The following CCDC86 variants were observed in gnomAD, a reference collection of about 807,000 sequenced individuals.
The protein encoded by CCDC86 is coiled-coil domain containing 86.
In CCDC86, 28 loss-of-function variants were observed where a neutral mutation model predicts 36.7. That is an observed-to-expected ratio of 0.76 (90% confidence interval 0.57 to 1.05). CCDC86 has a LOEUF of 1.05. Among genes scored for constraint, CCDC86 ranks in the 50% least tolerant of loss-of-function variants. CCDC86 has a pLI of 0.00. For missense variants in CCDC86, 453 were observed against 470.2 expected, an observed-to-expected ratio of 0.96 and a Z score of 0.34; for synonymous variants, 199 against 203.4, an observed-to-expected ratio of 0.98 and a Z score of 0.18.
Position 60,845,988 on chromosome 11 carries a change from A to G in CCDC86, c.759-1936A>G, listed in dbSNP as rs1041804404. Reference sequence around the variant, plus strand: ...TAATTAAAATTAAATAAAATTTAAGATTCAGTTTCTCTATCAACACCAACC... The same window carrying G: ...TAATTAAAATTAAATAAAATTTAAGGTTCAGTTTCTCTATCAACACCAACC... On this transcript the variant is annotated intron_variant, in intron 1 of 3. Coordinates refer to ENST00000227520, the MANE Select transcript of CCDC86 (RefSeq NM_024098.4). Among the ~76,000 whole-genome samples the G allele has an allele frequency of 2.0e-5, 3 of 152,302 alleles. No individual in the cohort carries two copies. In the East Asian group the frequency reaches 5.8e-4, roughly 29 times the overall value.
rs756991100 is a variant in CCDC86 at position 60,850,233 on chromosome 11, G to A, written c.991G>A (p.Ala331Thr). 3 of 1,614,210 alleles carry A rather than the reference G, an allele frequency of 1.9e-6. No individual in the cohort carries two copies. Among genetic ancestry groups the A allele is most frequent in the East Asian group, 4.5e-5 (2 of 44,870 alleles). Residue 331 changes from alanine (A) to threonine (T), a missense_variant, in exon 4 of 4, where the codon GCA (alanine) becomes ACA (threonine). Ala to Thr is a moderately conservative substitution (Grantham distance 58). Transcript: ENST00000227520. Reference sequence around the variant, plus strand: ...CCGAAACCCCGCCAAGCTCAAGCGGGCAAAGAAGAAGCAGCTGCGCTCCAT... The same window carrying A: ...CCGAAACCCCGCCAAGCTCAAGCGGACAAAGAAGAAGCAGCTGCGCTCCAT... Reference protein sequence around the residue: ...VIRNPAKLKRAKKKQLRSIEK... With the variant: ...VIRNPAKLKRTKKKQLRSIEK...
In CCDC86 at chr11:60,849,909, G is replaced by A. The variant is rs765883338; in HGVS notation, c.889-31G>A. The A allele has an allele frequency of 1.4e-5, 22 of 1,600,402 alleles. No homozygotes were observed. The Admixed American group carries it at 1.9e-4, about 14-fold the overall frequency. ...GAGACCAGGGCTGCCTCTGCTCCCC[G>A]ACTCAAATCCCCTTCTCCCACATGT... On this transcript the variant is annotated intron_variant, in intron 2 of 3. Transcript: ENST00000227520.
chr11:60,842,865 G>C lies in CCDC86; in HGVS notation c.741G>C (p.Lys247Asn). ...KGKPKSGRVW[K>N]DRSKKRFSQM... ...AGCCCAAATCGGGGCGAGTGTGGAAGGACCGCTCCAAGAAAAGGTGAAGTG... is the reference window on the plus strand; with the variant it reads ...AGCCCAAATCGGGGCGAGTGTGGAACGACCGCTCCAAGAAAAGGTGAAGTG... Residue 247 changes from lysine to asparagine, a missense_variant, in exon 1 of 4, where the codon AAG (lysine) becomes AAC (asparagine). By Grantham distance (94) the Lys-to-Asn change is moderately conservative. Transcript: ENST00000227520. 1 of 1,569,788 alleles carries C rather than the reference G, an allele frequency of 6.4e-7. No individual in the cohort carries two copies. Among genetic ancestry groups the C allele is most frequent in the South Asian group, 1.2e-5 (1 of 84,584 alleles).
At position 60,842,572 on chromosome 11, in the gene CCDC86, C is replaced by G. The variant is rs1855133866; in HGVS notation, c.448C>G (p.Pro150Ala). The G allele has an allele frequency of 1.9e-6, 3 of 1,613,222 alleles. No individual in the cohort carries two copies. The highest frequency in any genetic ancestry group is 2.5e-6 in the Non-Finnish European group (3 of 1,179,830). Residue 150 changes from proline (P) to alanine (A), a missense_variant, in exon 1 of 4, where the codon CCC becomes GCC. Coordinates refer to ENST00000227520, the MANE Select transcript of CCDC86 (RefSeq NM_024098.4). ...TAAGGAGGAGCTGACCCCGGGGGCC[C>G]CCCAGCATCAGCTACCGCCGGTCCC... ...QNKEELTPGA[P>A]QHQLPPVPGS... is the part of the protein sequence containing the mutation.
intron 2 of CCDC86, 43 bp downstream of exon 2, chr11:60,848,096 G>A (rs374539277): frequency 1.9e-6 from 3 of 1,603,454 alleles, no homozygotes; most frequent in Admixed American, 1.7e-5. Flanking sequence ...AGAGGACTAA[G>A]CTAGTGTCTA....
chr11:60,846,884 ATT>A (rs10717501), intron 1 of CCDC86, among the ~76,000 whole-genome samples: 1 of 151,370 alleles, frequency 6.6e-6, no homozygotes, highest in African/African-American at 2.4e-5. Flanking sequence ...GATCTTTGGC[ATT>A]TTTTTTTCCC....
chr11:60,845,728 A>C (rs1855175805), intron 1 of CCDC86, among the ~76,000 whole-genome samples: 2 of 152,172 alleles, frequency 1.3e-5, no homozygotes, highest in Non-Finnish European at 2.9e-5. Flanking sequence ...TTTATGGAGC[A>C]CCTATTACGT....
chr11:60,850,340 G>C lies in CCDC86; in HGVS notation c.*15G>C. The C allele has an allele frequency of 6.2e-7, 1 of 1,611,992 alleles. No individual in the cohort carries two copies. The highest frequency in any genetic ancestry group is 8.5e-7 in the Non-Finnish European group (1 of 1,178,424). ...CCAAGATCTGAGCTCAGGACGGCCCGAGGCCTTCCATGGCCAACAACCATG... is the reference window on the plus strand; with the variant it reads ...CCAAGATCTGAGCTCAGGACGGCCCCAGGCCTTCCATGGCCAACAACCATG... On this transcript the variant is annotated 3_prime_UTR_variant, in exon 4 of 4. Coordinates refer to ENST00000227520, the MANE Select transcript of CCDC86 (RefSeq NM_024098.4).
rs7167 is a variant in CCDC86, at chr11:60,850,661, A to G, written c.*336A>G. On this transcript the variant is annotated 3_prime_UTR_variant, in exon 4 of 4. Coordinates refer to ENST00000227520, the MANE Select transcript of CCDC86 (RefSeq NM_024098.4). ...CTGGTGACTGGCAGGTGACTCCCTC[A>G]GCAGTGTATGCCCTTTCTCAGCATC... 0.25 allele frequency: 71,615 copies of G among 288,998 alleles called. 11,391 individuals are homozygous for G. Among genetic ancestry groups the G allele is most frequent in the East Asian group, 0.71 (9,825 of 13,784 alleles). The allele number at this position is 288,998 out of a possible 1,614,324, so 17.9% of individuals were successfully genotyped here.
At position 60,846,569 on chromosome 11, in the gene CCDC86, CT is replaced by C. The variant is rs549150083; in HGVS notation, c.759-1348del. 1.1e-3 allele frequency among the ~76,000 whole-genome samples: 173 copies of C among 151,982 alleles called. 2 individuals carry two copies. Among genetic ancestry groups the C allele is most frequent in the African/African-American group, 4.0e-3 (164 of 41,476 alleles). On this transcript the variant is annotated intron_variant, in intron 1 of 3. Coordinates refer to ENST00000227520, the MANE Select transcript of CCDC86 (RefSeq NM_024098.4). ...CATCTTTGATACTTGGCTTTTTTTT[CT>C]TTTTTTCTTTTTTTTTGTTTTGAGA...
rs773942391 is a variant in CCDC86, at chr11:60,842,453, G to A, written c.329G>A (p.Ser110Asn). The A allele has an allele frequency of 2.5e-6, 4 of 1,613,932 alleles. No individual in the cohort carries two copies. Among genetic ancestry groups the A allele is most frequent in the Non-Finnish European group, 3.4e-6 (4 of 1,180,036 alleles). Residue 110 changes from serine (S) to asparagine (N), a missense_variant, in exon 1 of 4, where the codon AGT becomes AAT. Physicochemically the swap from Ser to Asn is conservative, Grantham distance 46. Transcript: ENST00000227520. The stretch of plus-strand genomic sequence containing the variant: ...TCGCCTCAAAGACAGCCAGAGTACA[G>A]TCCTGAATCCCCACGATGTCAGCCG... ...LESPQRQPEY[S>N]PESPRCQPKP...
In CCDC86 at chr11:60,845,814, C is replaced by T. The variant is rs528092018; in HGVS notation, c.759-2110C>T. 2.6e-5 allele frequency among the ~76,000 whole-genome samples: 4 copies of T among 152,298 alleles called. No individual in the cohort carries two copies. The South Asian group carries it at 6.2e-4, about 24-fold the overall frequency. ...ATCTCCACTGGACAGGATGCTGAGA[C>T]TTAGAGAGGCTACCTTGCTCCAGGT... On this transcript the variant is annotated intron_variant, in intron 1 of 3. Transcript: ENST00000227520.
intron 2 of CCDC86, among the ~76,000 whole-genome samples, chr11:60,849,101 C>T (rs1855221512): frequency 6.6e-6 from 1 of 152,152 alleles, no homozygotes; most frequent in African/African-American, 2.4e-5. Flanking sequence ...TACCCCAAGT[C>T]ACCAAAGCCA....
At position 60,850,364 on chromosome 11, in the gene CCDC86, T is replaced by C. The variant is rs775680026; in HGVS notation, c.*39T>C. ...CGAGGCCTTCCATGGCCAACAACCA[T>C]GTCAGACACAGCACCTCAGGCCGCT... On this transcript the variant is annotated 3_prime_UTR_variant, in exon 4 of 4. Coordinates refer to ENST00000227520, the MANE Select transcript of CCDC86 (RefSeq NM_024098.4). 4 of 1,605,620 alleles carry C rather than the reference T, an allele frequency of 2.5e-6. No individual in the cohort carries two copies. Among genetic ancestry groups the C allele is most frequent in the South Asian group, 1.1e-5 (1 of 90,838 alleles).
Position 60,842,827 on chromosome 11 carries a change from A to G in CCDC86, c.703A>G (p.Ile235Val). ...GTTGAATAAAGAGGAGCTTCCTGTA[A>G]TCCCGAAGGGGAAGCCCAAATCGGG... is the stretch of plus-strand genomic sequence containing the variant. ...KKLNKEELPV[I>V]PKGKPKSGRV... Residue 235 changes from isoleucine to valine, a missense_variant, in exon 1 of 4, where the codon ATC (isoleucine) becomes GTC (valine). By Grantham distance (29) the Ile-to-Val change is conservative. Transcript: ENST00000227520. The G allele has an allele frequency of 1.2e-6, 2 of 1,600,748 alleles. No homozygotes were observed. The highest frequency in any genetic ancestry group is 1.7e-6 in the Non-Finnish European group (2 of 1,171,982).
chr11:60,843,041 T>C, intron 1 of CCDC86, 159 bp downstream of exon 1: 1 of 1,029,198 alleles, frequency 9.7e-7, no homozygotes, highest in South Asian at 2.0e-5. Flanking sequence ...TGTGGTAAAA[T>C]GCCCTGGGAT....
At chr11:60,847,204 C>T (rs984741834) in intron 1 of CCDC86, among the ~76,000 whole-genome samples, 1 of 152,084 alleles carries the variant, frequency 6.6e-6, no homozygotes, top group African/African-American at 2.4e-5. Context: ...GTACCTCAGC[C>T]TCCCAAGTAG....
chr11:60,842,411 A>G lies in CCDC86; in HGVS notation c.287A>G (p.Gln96Arg). Residue 96 changes from glutamine to arginine, a missense_variant, in exon 1 of 4, where the codon CAA becomes CGA. Gln to Arg is a conservative substitution (Grantham distance 43, BLOSUM62 1). Coordinates refer to ENST00000227520, the MANE Select transcript of CCDC86 (RefSeq NM_024098.4). ...EPGAASPQRQ[Q>R]DLHLESPQRQ... ...GGCGCAGCGTCCCCCCAGCGTCAGCAAGACCTACACCTGGAGTCGCCTCAA... is the reference window on the plus strand; with the variant it reads ...GGCGCAGCGTCCCCCCAGCGTCAGCGAGACCTACACCTGGAGTCGCCTCAA... The G allele has an allele frequency of 1.2e-6, 2 of 1,611,508 alleles. No homozygotes were observed. The highest frequency in any genetic ancestry group is 2.7e-5 in the African/African-American group (2 of 74,138).
chr11:60,848,190 G>A (rs139561697), intron 2 of CCDC86, 137 bp downstream of exon 2: 11 of 1,140,556 alleles, frequency 9.6e-6, no homozygotes, highest in East Asian at 6.2e-5. Flanking sequence ...TCTGAAGGCC[G>A]GAGGGAGGAA....
Sources: allele counts gnomAD v4.1 joint callset (sites outside exome capture counted in the v4.1 genomes callset), GRCh38; gene constraint gnomAD v4.1.1; transcripts MANE v1.5; gene names NCBI Gene and HGNC (gene_info 2026-07-23, HGNC 2026-07-21).